Variants in LRMDA observed in about 807,000 individuals in gnomAD.
The protein encoded by LRMDA is leucine rich melanocyte differentiation associated.
Under a neutral mutation model 29.8 loss-of-function variants are expected in LRMDA, and 18 were observed. That is an observed-to-expected ratio of 0.60 (90% CI 0.42 to 0.90). The LOEUF is 0.90. Among genes scored for constraint, LRMDA ranks in the 40% least tolerant of loss-of-function variants. The probability of loss-of-function intolerance (pLI) is 0.00; values close to 1 mark genes in which losing one functional copy is unlikely to be tolerated. For synonymous variants in LRMDA, 125 were observed against 109.4 expected, an observed-to-expected ratio of 1.14 and a Z score of -0.89; for missense variants, 273 against 273.9, an observed-to-expected ratio of 1.00 and a Z score of 0.02.
intron 2 of LRMDA, among the ~76,000 whole-genome samples, chr10:75,517,995 G>A (rs781579618): frequency 1.1e-4 from 17 of 152,106 alleles, no homozygotes; most frequent in Non-Finnish European, 2.2e-4. Flanking sequence ...TGTGATAGAA[G>A]TTACGTTTAT....
chr10:75,728,426 CTGTGTGTGTG>C (rs34902461), intron 2 of LRMDA, among the ~76,000 whole-genome samples: 97 of 138,284 alleles, frequency 7.0e-4, no homozygotes, highest in Middle Eastern at 3.6e-3. Flanking sequence ...ATACGTGGCT[CTGTGTGTGTG>C]TGTGTGTGTG....
chr10:76,067,561 G>C (rs555164863), intron 5 of LRMDA, among the ~76,000 whole-genome samples: 1 of 152,136 alleles, frequency 6.6e-6, no homozygotes, highest in Admixed American at 6.5e-5. Flanking sequence ...ACATTACCCG[G>C]GGTTCTGTGC....
At chr10:76,151,885 A>G (rs1465579768) in intron 5 of LRMDA, among the ~76,000 whole-genome samples, 1 of 152,112 alleles carries the variant, frequency 6.6e-6, no homozygotes, top group Non-Finnish European at 1.5e-5. Flanking sequence ...TTCTTATCTT[A>G]TTACACTATA....
chr10:75,707,509 G>C (rs1842383323), intron 2 of LRMDA, among the ~76,000 whole-genome samples: 1 of 152,226 alleles, frequency 6.6e-6, no homozygotes, highest in African/African-American at 2.4e-5. Flanking sequence ...GAGCCAGTTA[G>C]AAAATGCAGA....
At chr10:75,631,121 A>C (rs912084411) in intron 2 of LRMDA, among the ~76,000 whole-genome samples, 1 of 152,084 alleles carries the variant, frequency 6.6e-6, no homozygotes, top group African/African-American at 2.4e-5. Context: ...ACTTCTTCTT[A>C]GGAAGGAAAT....
intron 6 of LRMDA, among the ~76,000 whole-genome samples, chr10:76,352,630 ACT>A (rs1447870853): frequency 6.6e-6 from 1 of 152,016 alleles, no homozygotes; most frequent in African/African-American, 2.4e-5. Flanking sequence ...ATATTTTCAG[ACT>A]CTAGTTGACT....
chr10:76,078,787 G>A (rs1849004025), intron 5 of LRMDA, among the ~76,000 whole-genome samples: 1 of 152,186 alleles, frequency 6.6e-6, no homozygotes. Context: ...AGTGAGCTGA[G>A]ATCGCGCCAT....
intron 2 of LRMDA, among the ~76,000 whole-genome samples, chr10:75,615,782 A>T (rs1288274214): frequency 6.6e-6 from 1 of 152,130 alleles, no homozygotes; most frequent in Non-Finnish European, 1.5e-5. Flanking sequence ...AAATTACTTT[A>T]TGTCTCTGAA....
At chr10:75,967,135 G>A (rs760780695) in intron 2 of LRMDA, among the ~76,000 whole-genome samples, 1 of 152,158 alleles carries the variant, frequency 6.6e-6, no homozygotes, top group Non-Finnish European at 1.5e-5. Flanking sequence ...GGTTTTGTGC[G>A]GTAGAGCTGA....
At chr10:76,261,926 T>C (rs956635902) in intron 5 of LRMDA, among the ~76,000 whole-genome samples, 2 of 152,048 alleles carry the variant, frequency 1.3e-5, no homozygotes, top group Non-Finnish European at 2.9e-5. Context: ...AGGAAAAATA[T>C]TAGTGGGGAA....
At chr10:76,134,177 T>C (rs1487478860) in intron 5 of LRMDA, among the ~76,000 whole-genome samples, 1 of 152,220 alleles carries the variant, frequency 6.6e-6, no homozygotes, top group Non-Finnish European at 1.5e-5. Context: ...CAAAGATGAA[T>C]CACGGCCCGT....
chr10:75,595,863 G>A (rs1284068362), intron 2 of LRMDA, among the ~76,000 whole-genome samples: 1 of 88,390 alleles, frequency 1.1e-5, no homozygotes, highest in Non-Finnish European at 3.2e-5. Context: ...AACCAAGTAG[G>A]TTACCACATT....
At chr10:76,240,874 GCA>G (rs577097678) in intron 5 of LRMDA, among the ~76,000 whole-genome samples, 2 of 138,734 alleles carry the variant, frequency 1.4e-5, no homozygotes, top group Admixed American at 7.4e-5. Context: ...ATATATATAC[GCA>G]CACACACACA....
At chr10:75,823,685 AGTGTGTGTGTGTGT>A (rs141426887) in intron 2 of LRMDA, among the ~76,000 whole-genome samples, 1,450 of 143,970 alleles carry the variant, frequency 0.01, 9 homozygotes, top group African/African-American at 0.022. Context: ...ATTAAAATGT[AGTGTGTGTGTGTGT>A]GTGTGTGTGT....
At chr10:75,781,523 A>G (rs1286322949) in intron 2 of LRMDA, among the ~76,000 whole-genome samples, 3 of 152,240 alleles carry the variant, frequency 2.0e-5, no homozygotes, top group Non-Finnish European at 4.4e-5. Flanking sequence ...CAATAACAAC[A>G]GCAAACATTT....
chr10:76,026,096 C>T (rs10824356), intron 2 of LRMDA, among the ~76,000 whole-genome samples: 52,133 of 152,094 alleles, frequency 0.34, 10,002 homozygotes, highest in Non-Finnish European at 0.43. Flanking sequence ...TAAGAACTAG[C>T]TCTTTGGGAG....
At chr10:76,204,350 A>G (rs575262775) in intron 5 of LRMDA, among the ~76,000 whole-genome samples, 1 of 149,452 alleles carries the variant, frequency 6.7e-6, no homozygotes, top group South Asian at 2.1e-4. Flanking sequence ...CCATCCACCC[A>G]TCTCTATTCC....
At chr10:76,332,755 T>C (rs1466726753) in intron 6 of LRMDA, among the ~76,000 whole-genome samples, 4 of 152,216 alleles carry the variant, frequency 2.6e-5, no homozygotes, top group Non-Finnish European at 2.9e-5. Context: ...AAGACAAAGA[T>C]TGCTATGAGC....
intron 2 of LRMDA, among the ~76,000 whole-genome samples, chr10:75,915,830 G>C (rs980616109): frequency 6.6e-6 from 1 of 152,162 alleles, no homozygotes; most frequent in Non-Finnish European, 1.5e-5. Context: ...CAGAATATAA[G>C]TAGCTAGAAT....
Sources: gnomAD v4.1 joint callset for allele counts (sites outside exome capture counted in the v4.1 genomes callset) on GRCh38, gnomAD v4.1.1 for gene constraint, MANE v1.5 for transcripts, NCBI Gene and HGNC (gene_info 2026-07-23, HGNC 2026-07-21) for gene names.